ARGFX: variants seen among roughly 807,000 people sequenced by gnomAD.
ARGFX encodes arginine-fifty homeobox.
In ARGFX, 10 loss-of-function variants were observed where a neutral mutation model predicts 8.0. The ratio of observed to expected loss-of-function variants is 1.25; its 90% CI spans 0.77 to 2.12. The LOEUF is 2.12. Among genes scored for constraint, ARGFX ranks in the 30% most tolerant of loss-of-function variants. ARGFX has a pLI of 0.00. For synonymous variants in ARGFX, 116 were observed against 117.8 expected (o/e 0.98, Z 0.10); for missense variants, 282 against 324.3 (o/e 0.87, Z 1.00).
rs963204396 is a variant in ARGFX, at chr3:121,568,824, G to A, written c.-13+811G>A. On this transcript the variant is annotated intron_variant, in intron 1 of 4. Coordinates refer to ENST00000334384, the MANE Select transcript of ARGFX (RefSeq NM_001012659.2). ...ATTTATTTACTCTTAGGATTGTACT[G>A]AAGAACAGATGCTTAGTGAAGTTTA... Among the ~76,000 whole-genome samples the A allele has an allele frequency of 4.6e-5, 7 of 152,268 alleles. No homozygotes were observed. In the East Asian group the frequency reaches 1.3e-3, roughly 29 times the overall value.
At position 121,586,206 on chromosome 3, in the gene ARGFX, AC is replaced by A; in HGVS notation, c.557del (p.Pro186LeufsTer46). 6.2e-7 allele frequency: 1 copy of A among 1,613,572 alleles called. No individual in the cohort carries two copies. On this transcript the variant is annotated frameshift_variant, in exon 5 of 5. Transcript: ENST00000334384. LOFTEE classifies it low-confidence loss of function (END_TRUNC). ...FYSSLPSQPLDPSNWAWNSTF... is the reference protein window; with the variant it reads ...FYSSLPSQPLXPSNWAWNSTF... ...AGCTCCCTTCCATCTCAGCCCTTAG[AC>A]CCTTCCAATTGGGCATGGAACTCTA... is the stretch of plus-strand genomic sequence containing the variant.
At chr3:121,584,202 G>GAC (rs1560122378) in intron 3 of ARGFX, among the ~76,000 whole-genome samples, 1 of 140,756 alleles carries the variant, frequency 7.1e-6, no homozygotes, top group Non-Finnish European at 1.5e-5. Flanking sequence ...GAGACAGAGA[G>GAC]AGAGGAAGGA....
intron 1 of ARGFX, among the ~76,000 whole-genome samples, chr3:121,570,257 T>C (rs1166745734): frequency 6.6e-6 from 1 of 152,232 alleles, no homozygotes; most frequent in Non-Finnish European, 1.5e-5. Context: ...AAAGATATTT[T>C]CCCTGGATAC....
chr3:121,584,873 GGTAATGTAAATGTAACCAC>G, intron 3 of ARGFX, 25 bp from the exon 4 acceptor site: 2 of 1,580,248 alleles, frequency 1.3e-6, no homozygotes, highest in Non-Finnish European at 1.7e-6. Context: ...GGGAGAGATT[GGTAATGTAAATGTAACCAC>G]CCCTTCTTTA....
chr3:121,582,811 T>G (rs1373933293), intron 3 of ARGFX, among the ~76,000 whole-genome samples: 4 of 152,058 alleles, frequency 2.6e-5, no homozygotes, highest in Non-Finnish European at 4.4e-5. Flanking sequence ...GTTAAAGTGA[T>G]CCTCCCACCT....
At chr3:121,577,286 C>CTT (rs1330110079) in intron 3 of ARGFX, among the ~76,000 whole-genome samples, 1 of 110,276 alleles carries the variant, frequency 9.1e-6, no homozygotes, top group Non-Finnish European at 1.9e-5. Context: ...TGGAGTCTCA[C>CTT]TTTTTCTCCC....
intron 2 of ARGFX, among the ~76,000 whole-genome samples, chr3:121,575,704 A>T (rs1044436726): frequency 6.6e-6 from 1 of 152,170 alleles, no homozygotes; most frequent in African/African-American, 2.4e-5. Context: ...ATTTGAGGGC[A>T]GGAGTTTGAG....
intron 3 of ARGFX, among the ~76,000 whole-genome samples, chr3:121,579,077 T>A (rs2048761876): frequency 1.3e-5 from 2 of 152,204 alleles, no homozygotes; most frequent in African/African-American, 4.8e-5. Context: ...TATGGACTCC[T>A]TGAGCTAATT....
intron 3 of ARGFX, among the ~76,000 whole-genome samples, chr3:121,579,816 C>T (rs1208497360): frequency 2.6e-5 from 4 of 152,060 alleles, no homozygotes; most frequent in East Asian, 1.9e-4. Context: ...GGCAACATAG[C>T]GAGACCTCGT....
chr3:121,586,590 G>T lies in ARGFX; in HGVS notation c.938G>T (p.Gly313Val). The change falls in exon 5 of 5, where the codon GGA becomes GTA. Residue 313 changes from glycine (G) to valine (V), a missense_variant. Gly to Val is a moderately radical substitution (Grantham distance 109). Coordinates refer to ENST00000334384, the MANE Select transcript of ARGFX (RefSeq NM_001012659.2). ...AAAACCTCCAATATGGTAGACTTGG[G>T]ATTTCTCTGACCAGAGTACTAATAA... ...FQKTSNMVDL[G>V]FL 6.2e-7 allele frequency: 1 copy of T among 1,612,598 alleles called. No individual in the cohort carries two copies. Among genetic ancestry groups the T allele is most frequent in the East Asian group, 2.2e-5 (1 of 44,862 alleles).
At chr3:121,571,756 G>GTTT (rs2048709690) in intron 2 of ARGFX, among the ~76,000 whole-genome samples, 1 of 53,150 alleles carries the variant, frequency 1.9e-5, no homozygotes, top group Non-Finnish European at 3.9e-5. Context: ...TTTTTTTTTT[G>GTTT]TATTTTTAGT....
Position 121,586,595 on chromosome 3 carries a change from C to A in ARGFX, c.943C>A (p.Leu315Ile), listed in dbSNP as rs768453486. The A allele has an allele frequency of 4.1e-5, 66 of 1,611,160 alleles. No homozygotes were observed. In the Middle Eastern group the frequency reaches 1.2e-3, roughly 28 times the overall value. The change falls in exon 5 of 5, where the codon CTC becomes ATC. Residue 315 changes from leucine to isoleucine, a missense_variant. Coordinates refer to ENST00000334384, the MANE Select transcript of ARGFX (RefSeq NM_001012659.2). ...CTCCAATATGGTAGACTTGGGATTT[C>A]TCTGACCAGAGTACTAATAAATATA... is the stretch of plus-strand genomic sequence containing the variant. ...KTSNMVDLGF[L>I]
chr3:121,570,652 C>T (rs12485719), intron 1 of ARGFX, 50 bp from the exon 2 acceptor site: 320,589 of 1,258,930 alleles, frequency 0.25, 44,466 homozygotes, highest in Admixed American at 0.49. Flanking sequence ...TGCTATCCAG[C>T]GAATGAATTC....
chr3:121,570,670 G>A, intron 1 of ARGFX, 32 bp from the exon 2 acceptor site: 2 of 1,415,726 alleles, frequency 1.4e-6, no homozygotes, highest in East Asian at 2.4e-5. Flanking sequence ...TTCCTCATCA[G>A]CATTCCCTAT....
chr3:121,585,749 G>T (rs534554117), intron 4 of ARGFX, among the ~76,000 whole-genome samples: 1 of 152,004 alleles, frequency 6.6e-6, no homozygotes, highest in East Asian at 1.9e-4. Context: ...CCCTAAACTA[G>T]CCTCTCTTCT....
At chr3:121,570,174 A>G (rs905537811) in intron 1 of ARGFX, among the ~76,000 whole-genome samples, 10 of 152,082 alleles carry the variant, frequency 6.6e-5, no homozygotes, top group Admixed American at 6.6e-4. Flanking sequence ...TTTCTTTAAT[A>G]CTCCACAGAA....
rs762861064 is a variant in ARGFX, at chr3:121,586,591, A to G, written c.939A>G (p.Gly313=). The G allele has an allele frequency of 5.6e-6, 9 of 1,612,464 alleles. No homozygotes were observed. Among genetic ancestry groups the G allele is most frequent in the Non-Finnish European group, 1.7e-6 (2 of 1,179,172 alleles). Residue 313 remains glycine (G), a synonymous_variant, in exon 5 of 5, where the codon GGA becomes GGG. Coordinates refer to ENST00000334384, the MANE Select transcript of ARGFX (RefSeq NM_001012659.2). ...AAACCTCCAATATGGTAGACTTGGG[A>G]TTTCTCTGACCAGAGTACTAATAAA... The part of the protein sequence containing the change: ...FQKTSNMVDL[G]FL
chr3:121,579,495 C>T (rs1314413403), intron 3 of ARGFX, among the ~76,000 whole-genome samples: 6 of 152,176 alleles, frequency 3.9e-5, no homozygotes, highest in Admixed American at 6.6e-5. Flanking sequence ...GTGATTCCAG[C>T]GTGTCCTTGA....
chr3:121,589,423 C>CT lies in ARGFX; in HGVS notation c.*2824dup. On this transcript the variant is annotated 3_prime_UTR_variant, in exon 5 of 5. Transcript: ENST00000334384. ...TTTTTTATTGAGATGGAGTCTTGCT[C>CT]TGTCACCCAGGCCGTGCAATCTCGG... Among the ~76,000 whole-genome samples, 1 of 152,174 alleles carries CT rather than the reference C, an allele frequency of 6.6e-6. No homozygotes were observed. Among genetic ancestry groups the CT allele is most frequent in the African/African-American group, 2.4e-5 (1 of 41,524 alleles).
Sources: allele counts gnomAD v4.1 joint callset (sites outside exome capture counted in the v4.1 genomes callset), GRCh38; gene constraint gnomAD v4.1.1; transcripts MANE v1.5; gene names NCBI Gene and HGNC (gene_info 2026-07-23, HGNC 2026-07-21).